The following UBASH3B variants were observed in gnomAD, a reference collection of about 807,000 sequenced individuals.
UBASH3B encodes ubiquitin associated and SH3 domain containing B, also known as ubiquitin-associated and SH3 domain-containing protein B.
Under a neutral mutation model 83.4 loss-of-function variants are expected in UBASH3B, and 37 were observed. The observed-to-expected ratio is 0.44, with a 90% CI of 0.34 to 0.58. UBASH3B has a LOEUF of 0.58. Among genes scored for constraint, UBASH3B ranks in the 20% least tolerant of loss-of-function variants. UBASH3B has a pLI of 0.01. For synonymous variants in UBASH3B, 304 were observed against 318.3 expected, an observed-to-expected ratio of 0.96 and a Z score of 0.48; for missense variants, 657 against 827.2, an observed-to-expected ratio of 0.79 and a Z score of 2.52.
chr11:122,746,993 T>C (rs1861129354), intron 1 of UBASH3B, among the ~76,000 whole-genome samples: 1 of 151,964 alleles, frequency 6.6e-6, no homozygotes. Flanking sequence ...AAAAGCAAAG[T>C]GGGCAAAGGT....
At chr11:122,707,772 C>T (rs1329130558) in intron 1 of UBASH3B, among the ~76,000 whole-genome samples, 4 of 66,224 alleles carry the variant, frequency 6.0e-5, no homozygotes, top group African/African-American at 1.5e-4. Context: ...AGTCTTGGCT[C>T]ACTGCAACCT....
chr11:122,715,247 G>A (rs1860500870), intron 1 of UBASH3B, among the ~76,000 whole-genome samples: 1 of 152,194 alleles, frequency 6.6e-6, no homozygotes, highest in African/African-American at 2.4e-5. Flanking sequence ...GCCCAGCCGA[G>A]ATAAATGTTA....
intron 1 of UBASH3B, among the ~76,000 whole-genome samples, chr11:122,666,197 T>C (rs951535591): frequency 2.0e-5 from 3 of 152,240 alleles, no homozygotes; most frequent in Non-Finnish European, 4.4e-5. Flanking sequence ...GCAGGATTGT[T>C]TAGAATCCTG....
chr11:122,736,802 C>A (rs1860940603), intron 1 of UBASH3B, among the ~76,000 whole-genome samples: 1 of 152,042 alleles, frequency 6.6e-6, no homozygotes, highest in South Asian at 2.1e-4. Context: ...GCAATCTCAG[C>A]TACTTGGGAG....
At chr11:122,786,027 T>TTTTTTG (rs879772647) in intron 5 of UBASH3B, among the ~76,000 whole-genome samples, 8 of 151,970 alleles carry the variant, frequency 5.3e-5, no homozygotes, top group Admixed American at 6.6e-5. Flanking sequence ...ATTCAAGAGG[T>TTTTTTG]TTTTTGTTTT....
At chr11:122,764,439 A>T (rs1215249864) in intron 1 of UBASH3B, among the ~76,000 whole-genome samples, 1 of 152,266 alleles carries the variant, frequency 6.6e-6, no homozygotes, top group African/African-American at 2.4e-5. Context: ...AAAAAGACAC[A>T]TACCCATGTT....
rs1322991445 is a variant in UBASH3B at position 122,779,572 on chromosome 11, G to T, written c.478G>T (p.Ala160Ser). Residue 160 changes from alanine to serine, a missense_variant, in exon 4 of 14, where the codon GCC becomes TCC. By Grantham distance (99) the Ala-to-Ser change is moderately conservative. Around this residue, in one of 3 missense-constraint regions of UBASH3B, gnomAD observed 573 missense variants for 739.0 expected, o/e 0.78. Transcript: ENST00000284273. ...TVSRWKCKFS[A>S]PLPLELYTSS... ...CAGTCGCTGGAAATGTAAGTTCTCG[G>T]CCCCGCTGCCCCTGGAGCTCTATAC... The T allele has an allele frequency of 2.5e-6, 4 of 1,614,144 alleles. No homozygotes were observed. The highest frequency in any genetic ancestry group is 3.4e-6 in the Non-Finnish European group (4 of 1,180,018).
chr11:122,710,698 T>C (rs1319800474), intron 1 of UBASH3B, among the ~76,000 whole-genome samples: 2 of 148,612 alleles, frequency 1.3e-5, no homozygotes, highest in African/African-American at 5.0e-5. Flanking sequence ...AGCTGCCCCA[T>C]AAGGGCCTGC....
chr11:122,803,121 C>T (rs1216259445), intron 11 of UBASH3B, among the ~76,000 whole-genome samples: 1 of 152,170 alleles, frequency 6.6e-6, no homozygotes, highest in Non-Finnish European at 1.5e-5. Flanking sequence ...TCCAGATTGC[C>T]TTTTCCTCTC....
At chr11:122,779,931 C>A (rs1182473883) in intron 4 of UBASH3B, among the ~76,000 whole-genome samples, 1 of 152,202 alleles carries the variant, frequency 6.6e-6, no homozygotes, top group East Asian at 1.9e-4. Flanking sequence ...GGCTTATTCC[C>A]TAACACCCAA....
intron 1 of UBASH3B, 46 bp from the exon 2 acceptor site, chr11:122,776,173 A>G (rs1249519643): frequency 6.3e-7 from 1 of 1,582,374 alleles, no homozygotes; most frequent in Non-Finnish European, 8.7e-7. Context: ...CTGCAGGGAG[A>G]GGAGGCTAAA....
intron 6 of UBASH3B, among the ~76,000 whole-genome samples, chr11:122,792,646 G>A (rs558708417): frequency 1.3e-5 from 2 of 152,286 alleles, no homozygotes; most frequent in South Asian, 4.1e-4. Flanking sequence ...ACTGTGTGAT[G>A]TTTGGGAGGG....
At chr11:122,757,716 T>TG (rs1388765501) in intron 1 of UBASH3B, among the ~76,000 whole-genome samples, 4 of 140,142 alleles carry the variant, frequency 2.9e-5, no homozygotes, top group African/African-American at 1.1e-4. Flanking sequence ...TCCCTTTTTT[T>TG]TTTTTTTTTT....
intron 1 of UBASH3B, among the ~76,000 whole-genome samples, chr11:122,679,489 G>C (rs1197477765): frequency 6.6e-6 from 1 of 152,168 alleles, no homozygotes; most frequent in African/African-American, 2.4e-5. Flanking sequence ...TAGAAACATA[G>C]AATCTCAGCT....
intron 1 of UBASH3B, among the ~76,000 whole-genome samples, chr11:122,774,671 ACTCAT>A: frequency 6.6e-6 from 1 of 152,150 alleles, no homozygotes; most frequent in African/African-American, 2.4e-5. Context: ...TTGGATTCCC[ACTCAT>A]CTCTTCTCTC....
chr11:122,721,130 A>G (rs535080679), intron 1 of UBASH3B, among the ~76,000 whole-genome samples: 8 of 151,676 alleles, frequency 5.3e-5, no homozygotes, highest in Non-Finnish European at 1.0e-4. Context: ...CTGTAGTCCC[A>G]GCTACTCTGG....
chr11:122,774,489 T>C (rs1860699903), intron 1 of UBASH3B, among the ~76,000 whole-genome samples: 1 of 152,204 alleles, frequency 6.6e-6, no homozygotes, highest in Admixed American at 6.5e-5. Context: ...TTTCTTTGTG[T>C]CAAATGAAGA....
chr11:122,799,053 C>CA lies in UBASH3B; in HGVS notation c.1450+24dup, dbSNP rs1239804855. The CA allele has an allele frequency of 1.2e-6, 2 of 1,603,364 alleles. No individual in the cohort carries two copies. Among genetic ancestry groups the CA allele is most frequent in the African/African-American group, 2.7e-5 (2 of 74,700 alleles). On this transcript the variant is annotated intron_variant, in intron 10 of 13. Transcript: ENST00000284273. ...TTGAAAGGTAAGACTTGCAGGTTGA[C>CA]AAAAACAAGTAGTCCATCCCTCTCT...
chr11:122,711,947 T>G (rs1467044032), intron 1 of UBASH3B, among the ~76,000 whole-genome samples: 2 of 152,032 alleles, frequency 1.3e-5, no homozygotes, highest in Non-Finnish European at 2.9e-5. Flanking sequence ...AAGAAAGGAA[T>G]GTGCCGGGCA....
Sources: gnomAD v4.1 joint callset for allele counts (sites outside exome capture counted in the v4.1 genomes callset) on GRCh38, gnomAD v4.1.1 for gene constraint, gnomAD v4.1.1 regional missense constraint, MANE v1.5 for transcripts, NCBI Gene and HGNC (gene_info 2026-07-23, HGNC 2026-07-21) for gene names.